The following TYW5 variants were observed in gnomAD, a reference collection of about 807,000 sequenced individuals.
TYW5 encodes tRNA-yW synthesizing protein 5.
TYW5 carries 36 observed loss-of-function variants against 44.4 expected under a neutral mutation model. That is an observed-to-expected ratio of 0.81 (90% CI 0.62 to 1.07). The LOEUF is 1.07. TYW5 is among the 50% of genes least tolerant of loss of function. The pLI, the probability that TYW5 is intolerant of heterozygous loss-of-function variation, is 0.00. For synonymous variants in TYW5, 121 were observed against 128.1 expected (o/e 0.94, Z 0.37); for missense variants, 354 against 365.7 (o/e 0.97, Z 0.26).
chr2:199,951,023 A>C (rs2077540757), intron 1 of TYW5, among the ~76,000 whole-genome samples: 1 of 152,144 alleles, frequency 6.6e-6, no homozygotes. Flanking sequence ...ATTCACCAAA[A>C]ATTGAGTAAT....
intron 2 of TYW5, chr2:199,947,325 T>A (rs2077510856): frequency 6.6e-6 from 1 of 152,234 alleles, no homozygotes; most frequent in South Asian, 2.1e-4. Flanking sequence ...TGAGAGCTGT[T>A]TGTTTTTAAT....
At position 199,933,284 on chromosome 2, in the gene TYW5, A is replaced by T. The variant is rs765539175; in HGVS notation, c.731T>A (p.Val244Glu). ...GTGCTTCCAAAAGATATTCACTCCCACTCCAAACTCTTCAGAAATTACATT... is the reference window on the plus strand; with the variant it reads ...GTGCTTCCAAAAGATATTCACTCCCTCTCCAAACTCTTCAGAAATTACATT... The part of the protein sequence containing the change: ...FHNVISEEFG[V>E]GVNIFWKHLP... The change falls in exon 8 of 8, where the codon GTG becomes GAG. Residue 244 changes from valine (V) to glutamate (E), a missense_variant. Val to Glu is a moderately radical substitution (Grantham distance 121, BLOSUM62 -2). Transcript: ENST00000354611. 7 of 1,613,356 alleles carry T rather than the reference A, an allele frequency of 4.3e-6. No homozygotes were observed. The highest frequency in any genetic ancestry group is 4.5e-5 in the East Asian group (2 of 44,858).
At chr2:199,938,092 T>A (rs1272398838) in intron 5 of TYW5, among the ~76,000 whole-genome samples, 1 of 150,416 alleles carries the variant, frequency 6.6e-6, no homozygotes, top group Non-Finnish European at 1.5e-5. Context: ...TGAGACAGAG[T>A]CTCGTTCTGT....
At chr2:199,936,334 G>C (rs1278415197) in intron 6 of TYW5, 71 bp downstream of exon 6, 18 of 1,294,456 alleles carry the variant, frequency 1.4e-5, no homozygotes, top group South Asian at 7.7e-5. Flanking sequence ...TTTCCTATAA[G>C]AATCAAGAGA....
chr2:199,950,008 G>A (rs1229575082), intron 1 of TYW5, among the ~76,000 whole-genome samples: 1 of 151,904 alleles, frequency 6.6e-6, no homozygotes, highest in Admixed American at 6.6e-5. Context: ...AAAAGAACCC[G>A]ACGTCTTTTA....
chr2:199,935,839 A>G, intron 7 of TYW5, 92 bp downstream of exon 7: 1 of 806,378 alleles, frequency 1.2e-6, no homozygotes, highest in Admixed American at 2.2e-5. Flanking sequence ...TAACAAATAT[A>G]TATTTGTACT....
intron 7 of TYW5, among the ~76,000 whole-genome samples, chr2:199,934,832 G>A (rs531036979): frequency 2.0e-5 from 3 of 152,056 alleles, no homozygotes; most frequent in African/African-American, 7.2e-5. Context: ...TTACCTTGCT[G>A]TGTTGAACTT....
chr2:199,948,512 CCAA>C (rs1481195411), intron 1 of TYW5, 40 bp from the exon 2 acceptor site: 2 of 1,607,662 alleles, frequency 1.2e-6, no homozygotes, highest in African/African-American at 2.7e-5. Flanking sequence ...TTCATGAAAA[CCAA>C]CAACACATCA....
chr2:199,949,976 C>T (rs752991348), intron 1 of TYW5, among the ~76,000 whole-genome samples: 5 of 152,018 alleles, frequency 3.3e-5, no homozygotes, highest in Non-Finnish European at 5.9e-5. Context: ...AACTGGGGCA[C>T]TTCCTTACAT....
chr2:199,955,181 A>G, intron 1 of TYW5: 1 of 557,950 alleles, frequency 1.8e-6, no homozygotes. Flanking sequence ...CTCCCCAGAA[A>G]CATGGGACTT....
Position 199,928,975 on chromosome 2 carries a change from A to G in TYW5, c.*4092T>C, listed in dbSNP as rs1034608748. Among the ~76,000 whole-genome samples, 2 of 152,228 alleles carry G rather than the reference A, an allele frequency of 1.3e-5. No homozygotes were observed. The highest frequency in any genetic ancestry group is 2.9e-5 in the Non-Finnish European group (2 of 68,044). On this transcript the variant is annotated 3_prime_UTR_variant, in exon 8 of 8. Transcript: ENST00000354611. Reference sequence around the variant, plus strand: ...GTAAAATACAAAAGGTAGTATTCATAAAAGAGCTATTTTGTTTTATTTCAC... The same window carrying G: ...GTAAAATACAAAAGGTAGTATTCATGAAAGAGCTATTTTGTTTTATTTCAC...
At chr2:199,952,777 G>T (rs2077556156) in intron 1 of TYW5, among the ~76,000 whole-genome samples, 1 of 152,188 alleles carries the variant, frequency 6.6e-6, no homozygotes, top group Non-Finnish European at 1.5e-5. Context: ...CACTTGTGTA[G>T]CTTCATTTTG....
intron 1 of TYW5, among the ~76,000 whole-genome samples, chr2:199,953,829 AATG>A (rs1291078183): frequency 6.6e-6 from 1 of 152,162 alleles, no homozygotes; most frequent in Admixed American, 6.5e-5. Context: ...TTTAAAATGT[AATG>A]ATGCTTTGTG....
chr2:199,941,267 C>T (rs891056035), intron 3 of TYW5, among the ~76,000 whole-genome samples: 5 of 152,178 alleles, frequency 3.3e-5, no homozygotes, highest in Non-Finnish European at 7.3e-5. Flanking sequence ...TCTCGAACTC[C>T]TGGACTCAAG....
At chr2:199,944,263 A>C (rs1226428350) in intron 2 of TYW5, 2 of 157,794 alleles carry the variant, frequency 1.3e-5, no homozygotes, top group Non-Finnish European at 2.8e-5. Flanking sequence ...GAGACAGTAC[A>C]CAAATGGTCC....
At position 199,933,016 on chromosome 2, in the gene TYW5, T is replaced by A; in HGVS notation, c.*51A>T. On this transcript the variant is annotated 3_prime_UTR_variant, in exon 8 of 8. Coordinates refer to ENST00000354611, the MANE Select transcript of TYW5 (RefSeq NM_001039693.3). ...CTATTTTAACAAAATCTTTAATTTA[T>A]ATCGTTATACCTTACTAAAGTGTTA... 6.4e-7 allele frequency: 1 copy of A among 1,560,446 alleles called. No homozygotes were observed. Among genetic ancestry groups the A allele is most frequent in the Non-Finnish European group, 8.7e-7 (1 of 1,155,462 alleles).
Position 199,939,002 on chromosome 2 carries a change from T to C in TYW5, c.417A>G (p.Lys139=), listed in dbSNP as rs1320968110. 5 of 1,613,682 alleles carry C rather than the reference T, an allele frequency of 3.1e-6. No homozygotes were observed. The highest frequency in any genetic ancestry group is 4.2e-6 in the Non-Finnish European group (5 of 1,179,876). The change falls in exon 5 of 8, where the codon AAA becomes AAG. Residue 139 remains lysine (K), a synonymous_variant. Coordinates refer to ENST00000354611, the MANE Select transcript of TYW5 (RefSeq NM_001039693.3). ...KGDIKFPEFF[K]EEQFFSSVFR... ...AAACACTGGAAAAGAACTGTTCCTC[T>C]TTGAAGAATTCTGGAAACTTAATAT...
Position 199,948,317 on chromosome 2 carries a change from C to A in TYW5, c.233+1G>T. On this transcript the variant is annotated splice_donor_variant, in intron 2 of 7. Transcript: ENST00000354611. LOFTEE classifies it high-confidence loss of function. ...CCAGAGTAAACCTCAGAAGAAAATA[C>A]CTATATACAAAGTTCTTACTAATGA... 6.2e-7 allele frequency: 1 copy of A among 1,613,836 alleles called. No homozygotes were observed. The highest frequency in any genetic ancestry group is 8.5e-7 in the Non-Finnish European group (1 of 1,179,890).
rs987120347 is a variant in TYW5, at chr2:199,932,860, T to G, written c.*207A>C. ...TTTAAGTCATTTTAAGTTGGACTTTTAGTGGTCAGCATCTGAATGTTAAAG... is the reference window on the plus strand; with the variant it reads ...TTTAAGTCATTTTAAGTTGGACTTTGAGTGGTCAGCATCTGAATGTTAAAG... On this transcript the variant is annotated 3_prime_UTR_variant, in exon 8 of 8. Transcript: ENST00000354611. 4 of 553,776 alleles carry G rather than the reference T, an allele frequency of 7.2e-6. No individual in the cohort carries two copies. The highest frequency in any genetic ancestry group is 5.7e-5 in the African/African-American group (3 of 52,660). 34.3% of individuals were successfully genotyped at this position (553,776 alleles called of 1,614,324 possible).
Sources: gnomAD v4.1 joint callset for allele counts (sites outside exome capture counted in the v4.1 genomes callset) on GRCh38, gnomAD v4.1.1 for gene constraint, MANE v1.5 for transcripts, NCBI Gene and HGNC (gene_info 2026-07-23, HGNC 2026-07-21) for gene names.